Variants in NAP1L4 observed in about 807,000 individuals in gnomAD.
NAP1L4 encodes nucleosome assembly protein 1 like 4.
A neutral mutation model predicts 58.2 loss-of-function variants in NAP1L4; 15 were observed. That is an observed-to-expected ratio of 0.26 (90% CI 0.17 to 0.40). NAP1L4 has a LOEUF of 0.40. NAP1L4 is among the 10% of genes least tolerant of loss of function. The pLI, the probability that NAP1L4 is intolerant of heterozygous loss-of-function variation, is 1.00. For missense variants in NAP1L4, 384 were observed against 451.1 expected, an observed-to-expected ratio of 0.85 and a Z score of 1.35; for synonymous variants, 171 against 155.6, an observed-to-expected ratio of 1.10 and a Z score of -0.74.
chr11:2,976,009 T>G lies in NAP1L4; in HGVS notation c.173+15A>C. ...TTCTCCAAATTGCATGAGACCCTAT[T>G]CACAGCACACTTACGTTTCGATGTA... On this transcript the variant is annotated intron_variant, in intron 4 of 15. Coordinates refer to ENST00000380542, the MANE Select transcript of NAP1L4 (RefSeq NM_005969.4). 2 of 1,603,480 alleles carry G rather than the reference T, an allele frequency of 1.2e-6. No homozygotes were observed. Among genetic ancestry groups the G allele is most frequent in the South Asian group, 2.2e-5 (2 of 89,366 alleles).
In NAP1L4 at chr11:2,972,028, T is replaced by C. The variant is rs1847666327; in HGVS notation, c.315+74A>G. ...TCTTACCCTAGATGTTGTCAACTTA[T>C]AATGGGTTTATCGGAACCTAACACC... On this transcript the variant is annotated intron_variant, in intron 5 of 15. Transcript: ENST00000380542. 3.5e-6 allele frequency: 5 copies of C among 1,409,054 alleles called. No individual in the cohort carries two copies. In the South Asian group the frequency reaches 6.6e-5, roughly 18 times the overall value. The allele number at this position is 1,409,054 out of a possible 1,614,324, so 87.3% of individuals were successfully genotyped here.
In NAP1L4 at chr11:2,949,805, C is replaced by A. The variant is rs1846128973; in HGVS notation, c.1123-541G>T. 6.6e-6 allele frequency among the ~76,000 whole-genome samples: 1 copy of A among 152,128 alleles called. No homozygotes were observed. The highest frequency in any genetic ancestry group is 6.5e-5 in the Admixed American group (1 of 15,276). On this transcript the variant is annotated intron_variant, in intron 14 of 15. Transcript: ENST00000380542. This position sits in a 1 kb window ranked among gnomAD's most constrained non-coding sequence, Gnocchi z 4.0. ...CTCCAAGGTGACAGAGAAAGCAGAACAAACAACAGAGGGGAGGAAAAGAGA... is the reference window on the plus strand; with the variant it reads ...CTCCAAGGTGACAGAGAAAGCAGAAAAAACAACAGAGGGGAGGAAAAGAGA...
At position 2,955,686 on chromosome 11, in the gene NAP1L4, G is replaced by A. The variant is rs1324999418; in HGVS notation, c.915+58C>T. ...ACTTTTTTTAACAAGTAGACAAGTA[G>A]ACATTCACTCAGGAGAGACTTCAAC... On this transcript the variant is annotated intron_variant, in intron 11 of 15. Transcript: ENST00000380542. The surrounding 1 kb of genome is among the most constrained non-coding windows in gnomAD (Gnocchi z 4.2). The A allele has an allele frequency of 3.9e-6, 6 of 1,539,850 alleles. No individual in the cohort carries two copies. In the African/African-American group the frequency reaches 8.3e-5, roughly 21 times the overall value.
At chr11:2,968,023 T>C (rs1847388908) in intron 7 of NAP1L4, among the ~76,000 whole-genome samples, 1 of 152,124 alleles carries the variant, frequency 6.6e-6, no homozygotes, top group Admixed American at 6.5e-5. Context: ...CTGTTATCAC[T>C]GCACCCCCAA....
intron 12 of NAP1L4, among the ~76,000 whole-genome samples, chr11:2,953,519 T>C (rs1846353349): frequency 6.6e-6 from 1 of 152,252 alleles, no homozygotes; most frequent in Admixed American, 6.5e-5. Flanking sequence ...TACTGGAAAG[T>C]GCTGGTCTAG....
At chr11:2,950,932 A>G (rs2133901623) in intron 14 of NAP1L4, 1 of 261,340 alleles carries the variant, frequency 3.8e-6, no homozygotes, top group East Asian at 7.4e-5. Flanking sequence ...GCACAAAGAA[A>G]AGTTTATTTA....
chr11:2,952,283 CT>C (rs34288379), intron 12 of NAP1L4: 2 of 163,506 alleles, frequency 1.2e-5, no homozygotes, highest in Admixed American at 5.9e-5. Context: ...TATATTAAAA[CT>C]TTGGTGTTTA....
At chr11:2,986,626 A>ATTTTT (rs66494210) in intron 1 of NAP1L4, among the ~76,000 whole-genome samples, 2,018 of 139,696 alleles carry the variant, frequency 0.014, 14 homozygotes, top group South Asian at 0.033. Context: ...ATGGTAGTAA[A>ATTTTT]TTTTTTTTTT....
In NAP1L4 at chr11:2,959,654, G is replaced by A; in HGVS notation, c.746+116C>T. On this transcript the variant is annotated intron_variant, in intron 9 of 15. Transcript: ENST00000380542. The surrounding 1 kb of genome is among the most constrained non-coding windows in gnomAD (Gnocchi z 4.9). ...AAATATACATCTACCAGGCTTTTAGGCTTTTAAGCAGACTCAAGACTGTAC... is the reference window on the plus strand; with the variant it reads ...AAATATACATCTACCAGGCTTTTAGACTTTTAAGCAGACTCAAGACTGTAC... 1.6e-6 allele frequency: 2 copies of A among 1,230,778 alleles called. No individual in the cohort carries two copies. The highest frequency in any genetic ancestry group is 2.2e-6 in the Non-Finnish European group (2 of 889,250). 76.2% of individuals were successfully genotyped at this position (1,230,778 alleles called of 1,614,324 possible).
chr11:2,947,963 G>A (rs1294485298), intron 15 of NAP1L4, among the ~76,000 whole-genome samples: 2 of 152,170 alleles, frequency 1.3e-5, no homozygotes, highest in Non-Finnish European at 2.9e-5. Flanking sequence ...TGCTGCTGTT[G>A]CACCCTGCCC....
At position 2,955,345 on chromosome 11, in the gene NAP1L4, G is replaced by T. The variant is rs1443579028; in HGVS notation, c.915+399C>A. Among the ~76,000 whole-genome samples the T allele has an allele frequency of 6.6e-6, 1 of 151,486 alleles. No individual in the cohort carries two copies. The highest frequency in any genetic ancestry group is 2.4e-5 in the African/African-American group (1 of 41,038). On this transcript the variant is annotated intron_variant, in intron 11 of 15. Transcript: ENST00000380542. This position sits in a 1 kb window ranked among gnomAD's most constrained non-coding sequence, Gnocchi z 4.2. Reference sequence around the variant, plus strand: ...CTGAGTAGCTGAGATTACAGGCGCTGCCACCGTGTCCAACTAATTTTTTTT... The same window carrying T: ...CTGAGTAGCTGAGATTACAGGCGCTTCCACCGTGTCCAACTAATTTTTTTT...
chr11:2,954,503 GC>G lies in NAP1L4; in HGVS notation c.1035+23del, dbSNP rs765047266. ...AACAGAGATAAGCACCCAGGTGGAA[GC>G]CCCCCTTCCCCGAGCCTCATACATT... On this transcript the variant is annotated intron_variant, in intron 12 of 15. Transcript: ENST00000380542. The surrounding 1 kb of genome is among the most constrained non-coding windows in gnomAD (Gnocchi z 4.8). 2 of 1,612,936 alleles carry G rather than the reference GC, an allele frequency of 1.2e-6. No individual in the cohort carries two copies. Among genetic ancestry groups the G allele is most frequent in the African/African-American group, 1.3e-5 (1 of 74,870 alleles).
intron 1 of NAP1L4, among the ~76,000 whole-genome samples, chr11:2,981,418 C>CCAAAAAAAAA (rs1564990154): frequency 2.4e-5 from 1 of 41,284 alleles, no homozygotes; most frequent in African/African-American, 6.4e-5. Flanking sequence ...TACCCTGTCT[C>CCAAAAAAAAA]AAAAAAAAAA....
intron 1 of NAP1L4, chr11:2,991,921 C>G (rs1848998682): frequency 1.3e-5 from 2 of 152,122 alleles, no homozygotes; most frequent in Admixed American, 1.3e-4. Context: ...TTCGCCTCCT[C>G]CAAGGGGCCG....
chr11:2,975,950 C>G (rs1425375637), intron 4 of NAP1L4, 74 bp downstream of exon 4: 5 of 1,311,050 alleles, frequency 3.8e-6, no homozygotes, highest in Non-Finnish European at 5.4e-6. Context: ...TTCTGGGGAA[C>G]TGAAAAGTGG....
Position 2,951,959 on chromosome 11 carries a change from G to A in NAP1L4, c.1036-150C>T. The A allele has an allele frequency of 1.4e-6, 1 of 731,268 alleles. No homozygotes were observed. The highest frequency in any genetic ancestry group is 2.7e-5 in the East Asian group (1 of 37,708). The allele number at this position is 731,268 out of a possible 1,614,324, so 45.3% of individuals were successfully genotyped here. ...CTGCTGGGCCTCGCTTGCCTGAGGA[G>A]CCATTTGCTTGTGTGCAGCGCATTT... is the stretch of plus-strand genomic sequence containing the variant. On this transcript the variant is annotated intron_variant, in intron 12 of 15. Transcript: ENST00000380542. This position sits in a 1 kb window ranked among gnomAD's most constrained non-coding sequence, Gnocchi z 4.0.
intron 1 of NAP1L4, chr11:2,989,876 C>A (rs925070110): frequency 6.6e-6 from 1 of 152,174 alleles, no homozygotes; most frequent in Non-Finnish European, 1.5e-5. Context: ...GCAAAAAGAT[C>A]AAAATTCTAC....
intron 1 of NAP1L4, among the ~76,000 whole-genome samples, chr11:2,986,784 A>ATTT (rs71035459): frequency 2.1e-5 from 3 of 143,986 alleles, no homozygotes; most frequent in African/African-American, 7.7e-5. Context: ...TGCCCAGCTA[A>ATTT]TTTTTTTTTT....
At chr11:2,984,621 T>C (rs890282022) in intron 1 of NAP1L4, among the ~76,000 whole-genome samples, 4 of 152,132 alleles carry the variant, frequency 2.6e-5, no homozygotes, top group Non-Finnish European at 5.9e-5. Context: ...TGGTCCCCCG[T>C]CACCTTCTGC....
Sources: allele counts gnomAD v4.1 joint callset (sites outside exome capture counted in the v4.1 genomes callset), GRCh38; gene constraint gnomAD v4.1.1; non-coding constraint Gnocchi (gnomAD v3.1); transcripts MANE v1.5; gene names NCBI Gene and HGNC (gene_info 2026-07-23, HGNC 2026-07-21).